The following HELB variants were observed in gnomAD, a reference collection of about 807,000 sequenced individuals.
The protein encoded by HELB is DNA 5'-3' helicase B.
Under a neutral mutation model 101.7 loss-of-function variants are expected in HELB, and 96 were observed. The observed-to-expected ratio is 0.94, with a 90% CI of 0.80 to 1.12. HELB has a LOEUF of 1.12. Among genes scored for constraint, HELB ranks in the 50% most tolerant of loss-of-function variants. HELB has a pLI of 0.00. For synonymous variants in HELB, 437 were observed against 459.7 expected, an observed-to-expected ratio of 0.95 and a Z score of 0.63; for missense variants, 1,210 against 1,291.9, an observed-to-expected ratio of 0.94 and a Z score of 0.97.
At chr12:66,341,472 A>C (rs1310282281), downstream of HELB, 1 of 152,178 alleles carries the variant, frequency 6.6e-6, no homozygotes, top group Non-Finnish European at 1.5e-5. Flanking sequence ...ACAATGCTTC[A>C]TCAGCCATCC....
At chr12:66,327,077 A>G (rs1464095831) in intron 11 of HELB, among the ~76,000 whole-genome samples, 4 of 138,610 alleles carry the variant, frequency 2.9e-5, no homozygotes, top group Non-Finnish European at 4.6e-5. Flanking sequence ...ATATATATAT[A>G]TATATGTTTA....
intron 7 of HELB, among the ~76,000 whole-genome samples, chr12:66,321,013 T>C (rs1240390502): frequency 6.6e-6 from 1 of 151,822 alleles, no homozygotes; most frequent in Non-Finnish European, 1.5e-5. Context: ...AAGCCAGGGG[T>C]TGGTTGAGGG....
chr12:66,304,643 A>T, intron 1 of HELB, 88 bp from the exon 2 acceptor site: 1 of 1,188,820 alleles, frequency 8.4e-7, no homozygotes. Flanking sequence ...GATTAAAGAT[A>T]GTGGTAAGTT....
rs766276071 is a variant in HELB at position 66,305,165 on chromosome 12, T to TA, written c.607+16dup. ...GGAAAACACAAGTAAGTGTGATTTT[T>TA]ATCATCAACTTTCAGTGTAATTGAC... is the stretch of plus-strand genomic sequence containing the variant. On this transcript the variant is annotated intron_variant, in intron 2 of 12. Transcript: ENST00000247815. 2 of 1,436,088 alleles carry TA rather than the reference T, an allele frequency of 1.4e-6. No individual in the cohort carries two copies. The highest frequency in any genetic ancestry group is 1.9e-6 in the Non-Finnish European group (2 of 1,054,940). 89.0% of individuals were successfully genotyped at this position (1,436,088 alleles called of 1,614,324 possible). A position where few individuals can be genotyped will look rare whatever the true frequency, so the allele number is the denominator to read the frequency against.
rs375336077 is a variant in HELB, at chr12:66,314,852, G to T, written c.1859-390G>T. 1.7e-4 allele frequency among the ~76,000 whole-genome samples: 26 copies of T among 152,182 alleles called. 1 individual carries two copies. The East Asian group carries it at 3.9e-3, about 23-fold the overall frequency. On this transcript the variant is annotated intron_variant, in intron 5 of 12. Transcript: ENST00000247815. ...AACATCACTATTAGATTACTGGAAC[G>T]TATCTGTTATCAAATGCATTTATTT...
intron 11 of HELB, among the ~76,000 whole-genome samples, chr12:66,330,364 G>A (rs1441670318): frequency 1.3e-5 from 2 of 151,568 alleles, no homozygotes; most frequent in East Asian, 3.9e-4. Context: ...ACAAGTAGGA[G>A]AAAAAAAAGT....
At chr12:66,340,180 T>C (rs1446962026), downstream of HELB, 1 of 152,200 alleles carries the variant, frequency 6.6e-6, no homozygotes, top group African/African-American at 2.4e-5. Context: ...GTTTAACATT[T>C]TGAGGCACTG....
At chr12:66,324,647 G>T in intron 10 of HELB, 1 of 291,750 alleles carries the variant, frequency 3.4e-6, no homozygotes, top group Non-Finnish European at 6.6e-6. Flanking sequence ...TGAAAGCTGT[G>T]AGGAAAAGTA....
At position 66,323,861 on chromosome 12, in the gene HELB, T is replaced by C. The variant is rs2053702468; in HGVS notation, c.2298-122T>C. The C allele has an allele frequency of 7.4e-6, 5 of 676,102 alleles. No homozygotes were observed. In the Admixed American group the frequency reaches 1.3e-4, roughly 18 times the overall value. 41.9% of individuals were successfully genotyped at this position (676,102 alleles called of 1,614,324 possible). A position where few individuals can be genotyped will look rare whatever the true frequency, so the allele number is the denominator to read the frequency against. On this transcript the variant is annotated intron_variant, in intron 9 of 12. Transcript: ENST00000247815. ...TGTTGCTCATTGGAGAATGAAAGTG[T>C]TGTAAATAAAATGTGGAAATTATTC...
At chr12:66,316,434 A>T (rs35765469) in intron 6 of HELB, among the ~76,000 whole-genome samples, 2 of 152,090 alleles carry the variant, frequency 1.3e-5, no homozygotes, top group Non-Finnish European at 2.9e-5. Flanking sequence ...TTGTTGCTTG[A>T]ACATCTCCTA....
intron 4 of HELB, among the ~76,000 whole-genome samples, chr12:66,312,589 C>T (rs542872704): frequency 2.6e-5 from 4 of 152,220 alleles, no homozygotes; most frequent in Middle Eastern, 6.8e-3. Context: ...AGGGGACACC[C>T]GAAAGGGATC....
rs760707214 is a variant in HELB at position 66,304,883 on chromosome 12, T to G, written c.340T>G (p.Leu114Val). ...YQVQGFPSYFLQSDMSPPNQK... is the reference protein window; with the variant it reads ...YQVQGFPSYFVQSDMSPPNQK... ...AGTTCAAGGATTTCCGTCTTACTTT[T>G]TGCAGTCTGATATGTCACCACCAAA... Residue 114 changes from leucine (L) to valine (V), a missense_variant, in exon 2 of 13, where the codon TTG becomes GTG. Physicochemically the swap from Leu to Val is conservative, Grantham distance 32 (BLOSUM62 1). Coordinates refer to ENST00000247815, the MANE Select transcript of HELB (RefSeq NM_001370285.1). 6.2e-7 allele frequency: 1 copy of G among 1,614,186 alleles called. No homozygotes were observed. The highest frequency in any genetic ancestry group is 8.5e-7 in the Non-Finnish European group (1 of 1,180,032).
At chr12:66,330,812 A>C (rs2053797068) in intron 11 of HELB, among the ~76,000 whole-genome samples, 1 of 151,598 alleles carries the variant, frequency 6.6e-6, no homozygotes, top group Non-Finnish European at 1.5e-5. Context: ...TTGCCATTAT[A>C]TGTAATAATG....
Position 66,302,593 on chromosome 12 carries a change from T to A in HELB, c.-11T>A. 1 of 1,610,720 alleles carries A rather than the reference T, an allele frequency of 6.2e-7. No individual in the cohort carries two copies. Among genetic ancestry groups the A allele is most frequent in the Non-Finnish European group, 8.5e-7 (1 of 1,177,282 alleles). On this transcript the variant is annotated 5_prime_UTR_variant, in exon 1 of 13. Transcript: ENST00000247815. The stretch of plus-strand genomic sequence containing the variant: ...TTTTCCCGAGTTGTTTGGGTTGAGT[T>A]CAGGAGAAGCATGGCCAGGTCGAGT...
In HELB at chr12:66,310,460, A is replaced by G. The variant is rs1336981532; in HGVS notation, c.1532A>G (p.Gln511Arg). The change falls in exon 4 of 13, where the codon CAG (glutamine) becomes CGG (arginine). Residue 511 changes from glutamine to arginine, a missense_variant. This residue lies in a region of HELB where 740 missense variants were observed against 728.8 expected (regional missense o/e 1.02). Coordinates refer to ENST00000247815, the MANE Select transcript of HELB (RefSeq NM_001370285.1). Reference protein sequence around the residue: ...KKACEDFEQDQNASEEWITFT... With the variant: ...KKACEDFEQDRNASEEWITFT... ...GCCTGTGAAGATTTTGAACAAGACC[A>G]GAATGCTTCAGAAGAATGGATTACC... 3.1e-6 allele frequency: 5 copies of G among 1,614,202 alleles called. No individual in the cohort carries two copies. Among genetic ancestry groups the G allele is most frequent in the Non-Finnish European group, 4.2e-6 (5 of 1,180,034 alleles).
At chr12:66,316,359 C>T (rs192415639) in intron 6 of HELB, among the ~76,000 whole-genome samples, 3 of 152,236 alleles carry the variant, frequency 2.0e-5, no homozygotes, top group Non-Finnish European at 2.9e-5. Context: ...CCTTTGAATA[C>T]TGAGTCTATG....
At chr12:66,304,228 AAGGAATGCTAAAT>A (rs1396953122) in intron 1 of HELB, among the ~76,000 whole-genome samples, 1 of 152,240 alleles carries the variant, frequency 6.6e-6, no homozygotes, top group Non-Finnish European at 1.5e-5. Flanking sequence ...AAATGCTTAG[AAGGAATGCTAAAT>A]AGTGCTTTGA....
chr12:66,337,505 T>C (rs556813028), intron 12 of HELB, among the ~76,000 whole-genome samples: 34 of 152,168 alleles, frequency 2.2e-4, no homozygotes, highest in African/African-American at 8.2e-4. Context: ...CACTTCAGAA[T>C]CATTAGTAGC....
chr12:66,325,346 C>T (rs566044941), intron 11 of HELB, among the ~76,000 whole-genome samples: 16 of 152,290 alleles, frequency 1.1e-4, no homozygotes, highest in Non-Finnish European at 1.6e-4. Context: ...GTAAAGTCTC[C>T]TCCTTCAGGT....
Sources: allele counts gnomAD v4.1 joint callset (sites outside exome capture counted in the v4.1 genomes callset), GRCh38; gene constraint gnomAD v4.1.1; regional missense constraint gnomAD v4.1.1; transcripts MANE v1.5; gene names NCBI Gene and HGNC (gene_info 2026-07-23, HGNC 2026-07-21).